SAMD4A: variants seen among roughly 807,000 people sequenced by gnomAD.
The protein encoded by SAMD4A is protein Smaug homolog 1.
In SAMD4A, 33 loss-of-function variants were observed where a neutral mutation model predicts 81.3. That is an observed-to-expected ratio of 0.41 (90% CI 0.31 to 0.54). The LOEUF is 0.54. SAMD4A is among the 20% of genes least tolerant of loss of function. The pLI, the probability that SAMD4A is intolerant of heterozygous loss-of-function variation, is 0.37. For synonymous variants in SAMD4A, 389 were observed against 382.1 expected, an observed-to-expected ratio of 1.02 and a Z score of -0.21; for missense variants, 854 against 951.1, an observed-to-expected ratio of 0.90 and a Z score of 1.34.
intron 2 of SAMD4A, among the ~76,000 whole-genome samples, chr14:54,648,051 T>C (rs1274800765): frequency 6.6e-6 from 1 of 152,210 alleles, no homozygotes; most frequent in Non-Finnish European, 1.5e-5. Context: ...GCTGAAGAAC[T>C]GGATTTTTAA....
At chr14:54,717,268 C>T (rs2037141337) in intron 3 of SAMD4A, among the ~76,000 whole-genome samples, 1 of 151,852 alleles carries the variant, frequency 6.6e-6, no homozygotes. Flanking sequence ...TAGCTAGACC[C>T]CTATCTCTAC....
chr14:54,653,672 A>C (rs1468163668), intron 2 of SAMD4A, among the ~76,000 whole-genome samples: 1 of 152,098 alleles, frequency 6.6e-6, no homozygotes, highest in Admixed American at 6.5e-5. Flanking sequence ...CCTTCTTGAC[A>C]CATGAAAATA....
intron 3 of SAMD4A, among the ~76,000 whole-genome samples, chr14:54,704,024 C>T (rs891087297): frequency 5.9e-5 from 9 of 152,182 alleles, no homozygotes; most frequent in Non-Finnish European, 1.0e-4. Flanking sequence ...GTGGAATAAC[C>T]AAGCAAACAC....
chr14:54,599,338 G>A (rs972414682), intron 2 of SAMD4A, among the ~76,000 whole-genome samples: 14 of 152,174 alleles, frequency 9.2e-5, no homozygotes, highest in Admixed American at 3.9e-4. Context: ...CCTCTTAGGC[G>A]TTGACAGAAA....
intron 2 of SAMD4A, among the ~76,000 whole-genome samples, chr14:54,671,680 T>C (rs977633387): frequency 2.6e-5 from 4 of 152,232 alleles, no homozygotes; most frequent in African/African-American, 9.6e-5. Flanking sequence ...TCCAGAATTC[T>C]GTAGTGGGTG....
intron 2 of SAMD4A, among the ~76,000 whole-genome samples, chr14:54,666,179 G>T (rs1391158243): frequency 1.3e-5 from 2 of 152,184 alleles, no homozygotes; most frequent in South Asian, 2.1e-4. Context: ...AGTGTTCTGG[G>T]CCACTGAGGT....
At chr14:54,645,286 T>C (rs971083334) in intron 2 of SAMD4A, among the ~76,000 whole-genome samples, 1 of 152,168 alleles carries the variant, frequency 6.6e-6, no homozygotes, top group Non-Finnish European at 1.5e-5. Context: ...GGCAATATGG[T>C]AAGATCCTAT....
At chr14:54,750,829 T>C (rs552861741) in intron 5 of SAMD4A, among the ~76,000 whole-genome samples, 1 of 152,338 alleles carries the variant, frequency 6.6e-6, no homozygotes, top group East Asian at 1.9e-4. Context: ...AAAAATTATC[T>C]TCTAAGGCTG....
chr14:54,594,366 T>A (rs1281136798), intron 2 of SAMD4A, among the ~76,000 whole-genome samples: 1 of 151,640 alleles, frequency 6.6e-6, no homozygotes, highest in Non-Finnish European at 1.5e-5. Context: ...AAGGCTGCAG[T>A]GAGCCATGAT....
intron 2 of SAMD4A, among the ~76,000 whole-genome samples, chr14:54,638,769 A>G: frequency 6.6e-6 from 1 of 152,230 alleles, no homozygotes; most frequent in African/African-American, 2.4e-5. Flanking sequence ...TTATCTCATC[A>G]TGGAAACTAT....
chr14:54,712,865 G>A (rs1434894567), intron 3 of SAMD4A, among the ~76,000 whole-genome samples: 1 of 152,138 alleles, frequency 6.6e-6, no homozygotes, highest in Non-Finnish European at 1.5e-5. Flanking sequence ...GAAGACAGTT[G>A]TGTTCTCATT....
chr14:54,776,352 G>A (rs534138277), intron 10 of SAMD4A, 62 bp from the exon 11 acceptor site: 58 of 1,513,150 alleles, frequency 3.8e-5, no homozygotes, highest in South Asian at 6.4e-5. Context: ...TCTTGCTGGC[G>A]GCTCTGCTCT....
intron 2 of SAMD4A, chr14:54,685,678 C>G (rs779376845): frequency 5.7e-5 from 26 of 456,520 alleles, no homozygotes; most frequent in Middle Eastern, 6.5e-4. Context: ...AACCCCAGCT[C>G]TCTTCAGTGG....
At chr14:54,666,297 G>T (rs925387971) in intron 2 of SAMD4A, among the ~76,000 whole-genome samples, 6 of 152,140 alleles carry the variant, frequency 3.9e-5, no homozygotes, top group East Asian at 3.9e-4. Flanking sequence ...TTGATTAGTG[G>T]CCTGATATTC....
chr14:54,676,355 ACTTTC>A (rs974428165), intron 2 of SAMD4A, among the ~76,000 whole-genome samples: 16 of 152,166 alleles, frequency 1.1e-4, no homozygotes, highest in African/African-American at 3.6e-4. Context: ...TGCTTTTAGT[ACTTTC>A]CTTTCTTTTC....
At position 54,662,221 on chromosome 14, in the gene SAMD4A, G is replaced by A. The variant is rs1180877095; in HGVS notation, c.197-39841G>A. 2.0e-5 allele frequency among the ~76,000 whole-genome samples: 3 copies of A among 152,188 alleles called. No homozygotes were observed. The South Asian group carries it at 6.2e-4, about 32-fold the overall frequency. On this transcript the variant is annotated intron_variant, in intron 2 of 12. Transcript: ENST00000554335. ...AGGTAGATGACCTAGTCAGCCCAGA[G>A]ATCAATGGCAGATTGAAATAACACC...
intron 3 of SAMD4A, among the ~76,000 whole-genome samples, chr14:54,713,098 T>C (rs772010790): frequency 1.3e-5 from 2 of 152,166 alleles, no homozygotes; most frequent in African/African-American, 4.8e-5. Context: ...TAAATTTGCA[T>C]TTACTGATTT....
chr14:54,724,558 C>CA (rs2037364832), intron 3 of SAMD4A, among the ~76,000 whole-genome samples: 1 of 152,102 alleles, frequency 6.6e-6, no homozygotes, highest in Non-Finnish European at 1.5e-5. Flanking sequence ...CTTTGGAGGC[C>CA]AAAGGACTGG....
intron 7 of SAMD4A, among the ~76,000 whole-genome samples, chr14:54,761,836 C>A (rs1434272317): frequency 6.6e-6 from 1 of 152,240 alleles, no homozygotes; most frequent in Non-Finnish European, 1.5e-5. Context: ...TACCCCCTTT[C>A]ACCTGCCCCA....
Sources: gnomAD v4.1 joint callset for allele counts (sites outside exome capture counted in the v4.1 genomes callset) on GRCh38, gnomAD v4.1.1 for gene constraint, MANE v1.5 for transcripts, NCBI Gene and HGNC (gene_info 2026-07-23, HGNC 2026-07-21) for gene names.